The following PIGG variants were observed in gnomAD, a reference collection of about 807,000 sequenced individuals.
PIGG encodes GPI ethanolamine phosphate transferase 2, catalytic subunit.
PIGG carries 70 observed loss-of-function variants against 83.2 expected under a neutral mutation model. The ratio of observed to expected loss-of-function variants is 0.84; its 90% CI spans 0.69 to 1.03. The LOEUF (loss-of-function observed/expected upper bound fraction) is 1.03. PIGG is among the 50% of genes least tolerant of loss of function. The pLI, the probability that PIGG is intolerant of heterozygous loss-of-function variation, is 0.00. For missense variants in PIGG, 1,257 were observed against 1,233.6 expected, an observed-to-expected ratio of 1.02 and a Z score of -0.28; for synonymous variants, 532 against 519.5, an observed-to-expected ratio of 1.02 and a Z score of -0.33.
chr4:530,349 G>C (rs561080481), intron 10 of PIGG, 87 bp from the exon 11 acceptor site: 1 of 917,608 alleles, frequency 1.1e-6, no homozygotes, highest in African/African-American at 1.6e-5. Flanking sequence ...TGGTTCCCTG[G>C]GTAGATAGGT....
chr4:530,765 A>C lies in PIGG; in HGVS notation c.2571+20A>C, dbSNP rs770709391. 2 of 1,487,210 alleles carry C rather than the reference A, an allele frequency of 1.3e-6. No individual in the cohort carries two copies. Among genetic ancestry groups the C allele is most frequent in the Non-Finnish European group, 1.9e-6 (2 of 1,069,604 alleles). 92.1% of individuals were successfully genotyped at this position (1,487,210 alleles called of 1,614,324 possible). A position where few individuals can be genotyped will look rare whatever the true frequency, so the allele number is the denominator to read the frequency against. ...TTTCAGGTAGGTTTTCATTATTATC[A>C]TGGGTAGTAGACTTCATGTTTTACA... On this transcript the variant is annotated intron_variant, in intron 11 of 12. Transcript: ENST00000453061.
At chr4:514,883 G>A (rs1723330763) in intron 5 of PIGG, among the ~76,000 whole-genome samples, 1 of 152,162 alleles carries the variant, frequency 6.6e-6, no homozygotes, top group Non-Finnish European at 1.5e-5. Flanking sequence ...GCAATTTAAG[G>A]TGGGTTTGTT....
At chr4:521,599 A>G in intron 7 of PIGG, 61 bp from the exon 8 acceptor site, 1 of 1,534,538 alleles carries the variant, frequency 6.5e-7, no homozygotes, top group Non-Finnish European at 8.9e-7. Flanking sequence ...AGCTGGGCTT[A>G]TTTTTAAGTG....
At chr4:508,783 C>G in intron 4 of PIGG, 46 bp from the exon 5 acceptor site, 2 of 1,586,786 alleles carry the variant, frequency 1.3e-6, no homozygotes, top group South Asian at 1.1e-5. Flanking sequence ...ATGATGTGCT[C>G]TCTTCAGTCT....
intron 12 of PIGG, among the ~76,000 whole-genome samples, chr4:535,030 G>T (rs1023421070): frequency 6.6e-6 from 1 of 152,212 alleles, no homozygotes; most frequent in Non-Finnish European, 1.5e-5. Context: ...CTTCCTCATC[G>T]TATGTTTCTT....
chr4:526,785 C>T (rs1315381255), intron 9 of PIGG, among the ~76,000 whole-genome samples: 5 of 151,416 alleles, frequency 3.3e-5, no homozygotes, highest in African/African-American at 1.2e-4. Context: ...TGGCCTCAAG[C>T]GATCCTTCCG....
At chr4:533,688 G>A (rs775285120) in intron 11 of PIGG, 130 bp from the exon 12 acceptor site, 46 of 806,254 alleles carry the variant, frequency 5.7e-5, no homozygotes, top group African/African-American at 2.2e-4. Context: ...CTGACCACAC[G>A]TGTGTCCGTG....
intron 5 of PIGG, among the ~76,000 whole-genome samples, chr4:511,996 A>AT (rs1243855111): frequency 2.0e-5 from 3 of 151,978 alleles, no homozygotes; most frequent in Admixed American, 6.6e-5. Flanking sequence ...GTCTTTTACC[A>AT]TTTTTGCTAT....
chr4:531,317 G>C (rs1470476692), intron 11 of PIGG: 1 of 164,684 alleles, frequency 6.1e-6, no homozygotes, highest in Non-Finnish European at 1.3e-5. Context: ...TGGGGCCTCA[G>C]AGGGATCCAG....
chr4:511,158 T>C (rs1721779774), intron 5 of PIGG, among the ~76,000 whole-genome samples: 1 of 152,048 alleles, frequency 6.6e-6, no homozygotes, highest in African/African-American at 2.4e-5. Context: ...CTGGGTGTGG[T>C]GGCGCATGCC....
chr4:506,695 C>G (rs1719831883), intron 3 of PIGG: 1 of 450,710 alleles, frequency 2.2e-6, no homozygotes, highest in South Asian at 1.6e-5. Context: ...CAGGGCTCAC[C>G]AGGCTGACAG....
chr4:531,226 A>G (rs1728973855), intron 11 of PIGG: 1 of 143,062 alleles, frequency 7.0e-6, no homozygotes, highest in South Asian at 1.8e-4. Context: ...GTTTGAAGAG[A>G]CATAGAGGGA....
chr4:516,205 C>T lies in PIGG; in HGVS notation c.1114+20C>T, dbSNP rs754586587. On this transcript the variant is annotated intron_variant, in intron 6 of 12. Coordinates refer to ENST00000453061, the MANE Select transcript of PIGG (RefSeq NM_001127178.3). Reference sequence around the variant, plus strand: ...AAAAAGGTCAGTCAACTCACCGTTTCGAGCTCTGTCAGAGCTGTGTGTTTC... The same window carrying T: ...AAAAAGGTCAGTCAACTCACCGTTTTGAGCTCTGTCAGAGCTGTGTGTTTC... 34 of 1,551,828 alleles carry T rather than the reference C, an allele frequency of 2.2e-5. No individual in the cohort carries two copies. The South Asian group carries it at 2.2e-4, about 10-fold the overall frequency.
rs1553874185 is a variant in PIGG at position 499,459 on chromosome 4, G to A, written c.124G>A (p.Ala42Thr). The A allele has an allele frequency of 6.9e-6, 11 of 1,602,590 alleles. No homozygotes were observed. Among genetic ancestry groups the A allele is most frequent in the Non-Finnish European group, 9.3e-6 (11 of 1,179,288 alleles). ...VRSSARAEHG[A>T]EPPAPEPSAG... is the part of the protein sequence containing the mutation. Reference sequence around the variant, plus strand: ...TTCCTCTGCCAGAGCGGAACACGGAGCGGAGCCCCCAGCGCCCGAACCCTC... The same window carrying A: ...TTCCTCTGCCAGAGCGGAACACGGAACGGAGCCCCCAGCGCCCGAACCCTC... Residue 42 changes from alanine (A) to threonine (T), a missense_variant, in exon 1 of 13, where the codon GCG (alanine) becomes ACG (threonine). Physicochemically the swap from Ala to Thr is moderately conservative, Grantham distance 58. Coordinates refer to ENST00000453061, the MANE Select transcript of PIGG (RefSeq NM_001127178.3).
At chr4:532,118 G>T in intron 11 of PIGG, 1 of 152,498 alleles carries the variant, frequency 6.6e-6, no homozygotes. Context: ...TTCCTTAACA[G>T]ATCAGGGATC....
At position 539,527 on chromosome 4, in the gene PIGG, A is replaced by G. The variant is rs181943555; in HGVS notation, c.*158A>G. ...TAGTTTAATAAAAGATCACTTTAAT[A>G]TACAGTTTGTATCATATTTTCCCCC... On this transcript the variant is annotated 3_prime_UTR_variant, in exon 13 of 13. Coordinates refer to ENST00000453061, the MANE Select transcript of PIGG (RefSeq NM_001127178.3). 1,327 of 601,942 alleles carry G rather than the reference A, an allele frequency of 2.2e-3. 6 individuals carry two copies. The highest frequency in any genetic ancestry group is 3.2e-3 in the Non-Finnish European group (1,094 of 340,190). The allele number at this position is 601,942 out of a possible 1,614,324, so 37.3% of individuals were successfully genotyped here.
At chr4:514,413 TC>T (rs1723182086) in intron 5 of PIGG, among the ~76,000 whole-genome samples, 1 of 152,232 alleles carries the variant, frequency 6.6e-6, no homozygotes, top group African/African-American at 2.4e-5. Flanking sequence ...TGTTTATGTG[TC>T]TCTTAAGTCT....
Position 520,538 on chromosome 4 carries a change from G to A in PIGG, c.1115-518G>A, listed in dbSNP as rs376851525. On this transcript the variant is annotated intron_variant, in intron 6 of 12. Transcript: ENST00000453061. The stretch of plus-strand genomic sequence containing the variant: ...CCAGGCTGCAGAACGGGGGACGTTA[G>A]AGGTCGGGAAGGGCCAGTCTGCACT... Among the ~76,000 whole-genome samples the A allele has an allele frequency of 1.1e-4, 16 of 152,352 alleles. No individual in the cohort carries two copies. In the South Asian group the frequency reaches 1.9e-3, roughly 18 times the overall value.
At chr4:514,905 GTTTTA>G (rs1223979794) in intron 5 of PIGG, among the ~76,000 whole-genome samples, 1 of 152,090 alleles carries the variant, frequency 6.6e-6, no homozygotes, top group Non-Finnish European at 1.5e-5. Context: ...TTGTCTTTGT[GTTTTA>G]TTTTTTGTGT....
Sources: gnomAD v4.1 joint callset for allele counts (sites outside exome capture counted in the v4.1 genomes callset) on GRCh38, gnomAD v4.1.1 for gene constraint, MANE v1.5 for transcripts, NCBI Gene and HGNC (gene_info 2026-07-23, HGNC 2026-07-21) for gene names.